The following POMGNT1 variants were observed in gnomAD, a reference collection of about 807,000 sequenced individuals.
POMGNT1 encodes protein O-linked mannose N-acetylglucosaminyltransferase 1 (beta 1,2-).
Under a neutral mutation model 95.6 loss-of-function variants are expected in POMGNT1, and 67 were observed. The ratio of observed to expected loss-of-function variants is 0.70; its 90% confidence interval spans 0.58 to 0.86. The LOEUF is 0.86. POMGNT1 is among the 40% of genes least tolerant of loss of function. POMGNT1 has a pLI of 0.00. For missense variants in POMGNT1, 719 were observed against 855.2 expected (o/e 0.84, Z 1.99); for synonymous variants, 298 against 317.9 (o/e 0.94, Z 0.66).
chr1:46,194,785 G>T, intron 7 of POMGNT1, 59 bp downstream of exon 7: 10 of 1,613,492 alleles, frequency 6.2e-6, no homozygotes, highest in Non-Finnish European at 8.5e-6. Context: ...CCATCTCCTA[G>T]GGTTCTGCTC....
At chr1:46,192,714 A>C (rs1189733549) in intron 14 of POMGNT1, 124 bp from the exon 15 acceptor site, 24 of 1,598,192 alleles carry the variant, frequency 1.5e-5, no homozygotes, top group Non-Finnish European at 2.0e-5. Context: ...CCTTCCCCCA[A>C]ATCCCCACTG....
At chr1:46,203,457 G>C (rs888785493) in intron 1 of POMGNT1, 1 of 1,503,032 alleles carries the variant, frequency 6.7e-7, no homozygotes, top group Non-Finnish European at 8.9e-7. Flanking sequence ...CCAGACGCCT[G>C]ACCTGCGGGA....
upstream of POMGNT1, among the ~76,000 whole-genome samples, chr1:46,199,319 ACT>A (rs1347955351): frequency 6.6e-6 from 1 of 152,132 alleles, no homozygotes; most frequent in Non-Finnish European, 1.5e-5. Flanking sequence ...TGGAATTGAA[ACT>A]CAGCCTAGCT....
At position 46,194,598 on chromosome 1, in the gene POMGNT1, C is replaced by G. The variant is rs201525710; in HGVS notation, c.706G>C (p.Asp236His). ...ACATCTGTCTTCAGCAGGACTGGGT[C>G]CCCCCAGGAAGAGAGGGCAGGTGAT... ...SKSPALSSWG[D>H]PVLLKTDVPL... The change falls in exon 8 of 22, where the codon GAC becomes CAC. Residue 236 changes from aspartate to histidine, a missense_variant. Coordinates refer to ENST00000371984, the MANE Select transcript of POMGNT1 (RefSeq NM_017739.4). The G allele has an allele frequency of 1.2e-5, 20 of 1,614,170 alleles. No individual in the cohort carries two copies. The Middle Eastern group carries it at 4.9e-4, about 40-fold the overall frequency.
At chr1:46,215,087 G>A (rs1356530767) in intron 1 of POMGNT1, among the ~76,000 whole-genome samples, 3 of 151,880 alleles carry the variant, frequency 2.0e-5, no homozygotes, top group Admixed American at 6.6e-5. Flanking sequence ...TTAGCCGGGT[G>A]TGGTGGTGGG....
Position 46,195,910 on chromosome 1 carries a change from T to C in POMGNT1, c.435A>G (p.Ala145=). 6.2e-7 allele frequency: 1 copy of C among 1,614,126 alleles called. No homozygotes were observed. The highest frequency in any genetic ancestry group is 8.5e-7 in the Non-Finnish European group (1 of 1,179,992). Residue 145 remains alanine, a synonymous_variant, in exon 6 of 22, where the codon GCA becomes GCG. Coordinates refer to ENST00000371984, the MANE Select transcript of POMGNT1 (RefSeq NM_017739.4). The part of the protein sequence containing the change: ...VLNQATGHVM[A]KRVFDTYSPH... ...GTGAGTACGTGTCAAACACACGTTTTGCCATCACGTGGCCCTGGCAGGGGA... is the reference window on the plus strand; with the variant it reads ...GTGAGTACGTGTCAAACACACGTTTCGCCATCACGTGGCCCTGGCAGGGGA...
At chr1:46,199,305 G>T (rs995816360), upstream of POMGNT1, among the ~76,000 whole-genome samples, 3 of 152,228 alleles carry the variant, frequency 2.0e-5, no homozygotes, top group African/African-American at 7.2e-5. Context: ...AAAGCTAGGA[G>T]AGGTGGAATT....
upstream of POMGNT1, among the ~76,000 whole-genome samples, chr1:46,202,577 C>G (rs539965802): frequency 1.4e-4 from 22 of 151,820 alleles, no homozygotes; most frequent in South Asian, 1.7e-3. Context: ...TGCCTGTAAT[C>G]CCAGCTACTC....
At chr1:46,216,546 T>A (rs1659077665) in intron 1 of POMGNT1, among the ~76,000 whole-genome samples, 1 of 152,090 alleles carries the variant, frequency 6.6e-6, no homozygotes, top group Non-Finnish European at 1.5e-5. Flanking sequence ...CTCACTCTGT[T>A]ACCTAGGCTG....
At position 46,192,593 on chromosome 1, in the gene POMGNT1, G is replaced by C; in HGVS notation, c.1212-3C>G. On this transcript the variant is annotated splice_polypyrimidine_tract_variant and splice_region_variant and intron_variant, in intron 14 of 21. Coordinates refer to ENST00000371984, the MANE Select transcript of POMGNT1 (RefSeq NM_017739.4). ...GGTGGATGGATTGGCTCAGGAAACTGAGAGAGGCAGGGTCAAAGAGTTCAG... is the reference window on the plus strand; with the variant it reads ...GGTGGATGGATTGGCTCAGGAAACTCAGAGAGGCAGGGTCAAAGAGTTCAG... 1 of 1,613,934 alleles carries C rather than the reference G, an allele frequency of 6.2e-7. No homozygotes were observed. Among genetic ancestry groups the C allele is most frequent in the Non-Finnish European group, 8.5e-7 (1 of 1,179,986 alleles).
intron 6 of POMGNT1, 62 bp downstream of exon 6, chr1:46,195,749 C>T (rs750717869): frequency 9.7e-6 from 14 of 1,445,330 alleles, no homozygotes; most frequent in South Asian, 2.4e-5. Flanking sequence ...GCAGAGAAGC[C>T]GGGGCTAGAA....
At chr1:46,202,696 CAAAAAA>C (rs768113273), upstream of POMGNT1, among the ~76,000 whole-genome samples, 118 of 32,248 alleles carry the variant, frequency 3.7e-3, no homozygotes, top group Middle Eastern at 0.023. Flanking sequence ...GACTCTGTCT[CAAAAAA>C]AAAAAAAAAA....
chr1:46,193,405 C>A lies in POMGNT1; in HGVS notation c.1027-17G>T. 6.2e-7 allele frequency: 1 copy of A among 1,609,756 alleles called. No homozygotes were observed. The highest frequency in any genetic ancestry group is 8.5e-7 in the Non-Finnish European group (1 of 1,177,848). The stretch of plus-strand genomic sequence containing the variant: ...CATGGGTTCCTGGGGGACATGGCCA[C>A]TGCTCACCATGTGAGGTCACTTTCC... On this transcript the variant is annotated splice_polypyrimidine_tract_variant and intron_variant, in intron 11 of 21. Coordinates refer to ENST00000371984, the MANE Select transcript of POMGNT1 (RefSeq NM_017739.4).
intron 1 of POMGNT1, among the ~76,000 whole-genome samples, chr1:46,214,357 A>G (rs1658996103): frequency 6.6e-6 from 1 of 151,882 alleles, no homozygotes. Flanking sequence ...AAAAGAAAAA[A>G]AAAAAGGAAA....
intron 1 of POMGNT1, among the ~76,000 whole-genome samples, chr1:46,212,881 T>A (rs931026148): frequency 2.0e-5 from 3 of 152,096 alleles, no homozygotes; most frequent in African/African-American, 7.2e-5. Context: ...TGCCTCAGCC[T>A]CCTGAGTAGC....
At chr1:46,198,052 TG>T (rs1658378657) in intron 1 of POMGNT1, 181 bp from the exon 2 acceptor site, 1 of 597,316 alleles carries the variant, frequency 1.7e-6, no homozygotes, top group Non-Finnish European at 2.9e-6. Context: ...TTGGATCACC[TG>T]GAAATTCCCT....
intron 1 of POMGNT1, 73 bp downstream of exon 1, chr1:46,198,263 G>A: frequency 6.1e-6 from 1 of 164,562 alleles, no homozygotes; most frequent in South Asian, 1.5e-4. Flanking sequence ...CCAGGGCCCG[G>A]AGCCGCCCGA....
At chr1:46,193,264 G>C (rs1177903016) in intron 12 of POMGNT1, 41 bp downstream of exon 12, 13 of 1,614,010 alleles carry the variant, frequency 8.1e-6, no homozygotes, top group Non-Finnish European at 1.1e-5. Flanking sequence ...GTAGAAGGCA[G>C]AGCCAGGTGT....
rs201361648 is a variant in POMGNT1 at position 46,196,997 on chromosome 1, C to T, written c.208G>A (p.Glu70Lys). 81 of 1,614,098 alleles carry T rather than the reference C, an allele frequency of 5.0e-5. No homozygotes were observed. The highest frequency in any genetic ancestry group is 1.0e-4 in the Admixed American group (6 of 60,006). ...TAGTCTTGCTCTGGCTCTGGGTCTT[C>T]ATTGGCTTCACTGATGGCTCGCCGA... ...DTRRAISEAN[E>K]DPEPEQDYDE... The change falls in exon 3 of 22, where the codon GAA (glutamate) becomes AAA (lysine). Residue 70 changes from glutamate (E) to lysine (K), a missense_variant. Physicochemically the swap from Glu to Lys is moderately conservative, Grantham distance 56. This residue lies in a region of POMGNT1 where 466 missense variants were observed against 517.4 expected (regional missense o/e 0.90). Coordinates refer to ENST00000371984, the MANE Select transcript of POMGNT1 (RefSeq NM_017739.4). This position sits in a 1 kb window ranked among gnomAD's most constrained non-coding sequence, Gnocchi z 4.4.
Sources: gnomAD v4.1 joint callset for allele counts (sites outside exome capture counted in the v4.1 genomes callset) on GRCh38, gnomAD v4.1.1 for gene constraint, gnomAD v4.1.1 regional missense constraint, Gnocchi (gnomAD v3.1) non-coding constraint, MANE v1.5 for transcripts, NCBI Gene and HGNC (gene_info 2026-07-23, HGNC 2026-07-21) for gene names.